Variants in VPS35L observed in about 807,000 individuals in gnomAD.
The protein encoded by VPS35L is VPS35 endosomal protein-sorting factor-like.
Under a neutral mutation model 133.0 loss-of-function variants are expected in VPS35L, and 83 were observed. The ratio of observed to expected loss-of-function variants is 0.62; its 90% CI spans 0.52 to 0.75. VPS35L has a LOEUF of 0.75. Ranked by LOEUF, VPS35L falls within the 30% of genes least tolerant of loss-of-function variation. The pLI, the probability that VPS35L is intolerant of heterozygous loss-of-function variation, is 0.00. For synonymous variants in VPS35L, 423 were observed against 449.9 expected, an observed-to-expected ratio of 0.94 and a Z score of 0.76; for missense variants, 1,083 against 1,206.8, an observed-to-expected ratio of 0.90 and a Z score of 1.52.
At chr16:19,680,754 A>G (rs972197826) in intron 27 of VPS35L, among the ~76,000 whole-genome samples, 6 of 152,116 alleles carry the variant, frequency 3.9e-5, no homozygotes, top group Admixed American at 6.6e-5. Flanking sequence ...TCTACAAAAA[A>G]TAGAAATTCG....
chr16:19,600,750 A>G (rs1362785154), intron 8 of VPS35L, among the ~76,000 whole-genome samples: 3 of 152,198 alleles, frequency 2.0e-5, no homozygotes, highest in Non-Finnish European at 4.4e-5. Context: ...CACGCTGATG[A>G]TGAGAGACAG....
chr16:19,649,672 G>A (rs1974065179), intron 24 of VPS35L, among the ~76,000 whole-genome samples: 1 of 152,192 alleles, frequency 6.6e-6, no homozygotes, highest in South Asian at 2.1e-4. Context: ...TGCACCGTTT[G>A]GGAACCACAG....
chr16:19,556,860 C>T (rs1970874150), intron 1 of VPS35L, among the ~76,000 whole-genome samples: 1 of 149,920 alleles, frequency 6.7e-6, no homozygotes, highest in Non-Finnish European at 1.5e-5. Context: ...TATGGTGGCT[C>T]ACGCCTGTAA....
intron 3 of VPS35L, 128 bp from the exon 4 acceptor site, chr16:19,572,988 TATG>T: frequency 9.1e-7 from 1 of 1,092,916 alleles, no homozygotes; most frequent in South Asian, 1.9e-5. Flanking sequence ...TAATTTTTTT[TATG>T]ATAGTAAACC....
chr16:19,651,315 A>G (rs1974115204), intron 25 of VPS35L, among the ~76,000 whole-genome samples: 1 of 152,146 alleles, frequency 6.6e-6, no homozygotes, highest in Admixed American at 6.5e-5. Context: ...TCTGTCACCC[A>G]GGCAGGAGTG....
chr16:19,601,727 A>G lies in VPS35L; in HGVS notation c.784+4A>G. ...GATAGCCGCAGCGTCTTACCAGGTA[A>G]TGTCGCAGCTGTTCCTGGGGTGTCA... On this transcript the variant is annotated splice_donor_region_variant and intron_variant, in intron 9 of 30. Transcript: ENST00000417362. 5 of 1,614,056 alleles carry G rather than the reference A, an allele frequency of 3.1e-6. No homozygotes were observed. The highest frequency in any genetic ancestry group is 4.2e-6 in the Non-Finnish European group (5 of 1,179,934).
chr16:19,568,965 G>T (rs1473908176), intron 2 of VPS35L, among the ~76,000 whole-genome samples: 1 of 152,102 alleles, frequency 6.6e-6, no homozygotes, highest in Non-Finnish European at 1.5e-5. Flanking sequence ...CTTTTATGAG[G>T]TGTTCAAGGG....
intron 14 of VPS35L, among the ~76,000 whole-genome samples, chr16:19,622,335 G>A (rs56037453): frequency 6.6e-6 from 1 of 151,508 alleles, no homozygotes; most frequent in African/African-American, 2.4e-5. Flanking sequence ...TAGAGACAGG[G>A]TCTCATCATC....
intron 24 of VPS35L, 104 bp from the exon 25 acceptor site, chr16:19,650,278 G>A (rs760527645): frequency 5.4e-4 from 512 of 945,452 alleles, no homozygotes; most frequent in Non-Finnish European, 7.9e-4. Flanking sequence ...TAGAAAGCTT[G>A]TTCTCATTGA....
chr16:19,602,244 A>G (rs1178486369), intron 9 of VPS35L, among the ~76,000 whole-genome samples: 2 of 152,088 alleles, frequency 1.3e-5, no homozygotes, highest in African/African-American at 4.8e-5. Flanking sequence ...TGTCGTATAA[A>G]TGGTAAGAAT....
At chr16:19,585,208 C>T (rs1283460636) in intron 7 of VPS35L, among the ~76,000 whole-genome samples, 2 of 152,014 alleles carry the variant, frequency 1.3e-5, no homozygotes, top group Non-Finnish European at 2.9e-5. Flanking sequence ...CAATTATTTG[C>T]GTGGACTTAC....
chr16:19,616,760 G>T lies in VPS35L; in HGVS notation c.1176G>T (p.Pro392=). The T allele has an allele frequency of 6.2e-7, 1 of 1,614,070 alleles. No homozygotes were observed. The highest frequency in any genetic ancestry group is 8.5e-7 in the Non-Finnish European group (1 of 1,180,006). Residue 392 remains proline, a synonymous_variant, in exon 14 of 31, where the codon CCG becomes CCT. Transcript: ENST00000417362. ...VELPSYLPLY[P]PAMDWIFQCI... ...TCCCATCTTACCTCCCCTTGTACCC[G>T]CCTGCCATGGACTGGATCTTCCAGT...
intron 12 of VPS35L, among the ~76,000 whole-genome samples, chr16:19,610,933 C>T (rs2151547623): frequency 6.6e-6 from 1 of 152,198 alleles, no homozygotes; most frequent in South Asian, 2.1e-4. Flanking sequence ...CTTTAAAGCA[C>T]CGTGAGGCTT....
intron 2 of VPS35L, among the ~76,000 whole-genome samples, chr16:19,566,825 G>A (rs9922674): frequency 6.6e-6 from 1 of 151,452 alleles, no homozygotes; most frequent in Non-Finnish European, 1.5e-5. Flanking sequence ...TCTCAACTCA[G>A]TGCAACCTCT....
chr16:19,569,906 C>T (rs1169142135), intron 3 of VPS35L, among the ~76,000 whole-genome samples: 1 of 152,054 alleles, frequency 6.6e-6, no homozygotes, highest in Non-Finnish European at 1.5e-5. Flanking sequence ...AAGCCTCAAG[C>T]GATCCTCCCA....
chr16:19,680,960 A>G (rs1472196274), intron 27 of VPS35L, among the ~76,000 whole-genome samples: 1 of 147,432 alleles, frequency 6.8e-6, no homozygotes, highest in African/African-American at 2.5e-5. Flanking sequence ...AGAGAGAGTA[A>G]GAGGACTGCA....
At chr16:19,643,507 T>C (rs934337553) in intron 22 of VPS35L, among the ~76,000 whole-genome samples, 2 of 152,196 alleles carry the variant, frequency 1.3e-5, no homozygotes, top group Non-Finnish European at 2.9e-5. Flanking sequence ...ACCTCAACCA[T>C]GTCCACGTTC....
chr16:19,682,959 C>A (rs1975340394), intron 28 of VPS35L, among the ~76,000 whole-genome samples: 1 of 152,214 alleles, frequency 6.6e-6, no homozygotes, highest in East Asian at 1.9e-4. Context: ...AGGTCTCACT[C>A]TGTCCCCCAG....
intron 2 of VPS35L, among the ~76,000 whole-genome samples, chr16:19,565,573 G>A (rs555311137): frequency 2.6e-5 from 4 of 152,220 alleles, no homozygotes; most frequent in South Asian, 2.1e-4. Context: ...GGCTGGTCTC[G>A]AACCCTTGAC....
Sources: gnomAD v4.1 joint callset for allele counts (sites outside exome capture counted in the v4.1 genomes callset) on GRCh38, gnomAD v4.1.1 for gene constraint, MANE v1.5 for transcripts, NCBI Gene and HGNC (gene_info 2026-07-23, HGNC 2026-07-21) for gene names.